The following ME2 variants were observed in gnomAD, a reference collection of about 807,000 sequenced individuals.
The protein encoded by ME2 is NAD-dependent malic enzyme, mitochondrial.
A neutral mutation model predicts 73.7 loss-of-function variants in ME2; 60 were observed. That is an observed-to-expected ratio of 0.81 (90% CI 0.66 to 1.01). The LOEUF (loss-of-function observed/expected upper bound fraction) is 1.01, where lower values mean the gene tolerates loss of function less well. Ranked by LOEUF, ME2 falls within the 50% of genes least tolerant of loss-of-function variation. The probability of loss-of-function intolerance (pLI) is 0.00; values close to 1 mark genes in which losing one functional copy is unlikely to be tolerated. For synonymous variants in ME2, 199 were observed against 236.9 expected (o/e 0.84, Z 1.47); for missense variants, 594 against 705.5 (o/e 0.84, Z 1.79).
chr18:50,941,919 T>C (rs1467547910), intron 15 of ME2, among the ~76,000 whole-genome samples: 2 of 151,810 alleles, frequency 1.3e-5, no homozygotes, highest in African/African-American at 4.8e-5. Context: ...ATTAGTGAGA[T>C]TGAAGAATTA....
intron 12 of ME2, among the ~76,000 whole-genome samples, chr18:50,926,639 A>G (rs1416728644): frequency 1.3e-4 from 20 of 152,108 alleles, no homozygotes; most frequent in Non-Finnish European, 1.5e-5. Context: ...CTCTAATTAT[A>G]TGGTTAGAGA....
At position 50,916,245 on chromosome 18, in the gene ME2, T is replaced by C; in HGVS notation, c.468+2T>C. The C allele has an allele frequency of 6.2e-7, 1 of 1,603,512 alleles. No homozygotes were observed. On this transcript the variant is annotated splice_donor_variant, in intron 5 of 15. Transcript: ENST00000321341. LOFTEE classifies it high-confidence loss of function. ...AACTGGCCAGAAAATCATGTTAAGG[T>C]ACTAATAGCACAACCCTCCTTTTCA...
intron 2 of ME2, among the ~76,000 whole-genome samples, chr18:50,897,660 A>C (rs745388045): frequency 1.3e-5 from 2 of 152,144 alleles, no homozygotes; most frequent in Non-Finnish European, 2.9e-5. Flanking sequence ...TGGGAGTTCG[A>C]GACCAGCCTG....
At chr18:50,895,152 C>T (rs1916707009) in intron 1 of ME2, among the ~76,000 whole-genome samples, 1 of 151,922 alleles carries the variant, frequency 6.6e-6, no homozygotes, top group African/African-American at 2.4e-5. Flanking sequence ...ACTATTATCA[C>T]TAAATATTTT....
chr18:50,913,212 T>C, intron 4 of ME2: 1 of 243,530 alleles, frequency 4.1e-6, no homozygotes, highest in Non-Finnish European at 7.8e-6. Flanking sequence ...TTCTGGAACC[T>C]GCTCCCCCAC....
Position 50,932,241 on chromosome 18 carries a change from T to C in ME2, c.1315-17T>C. 4 of 1,596,400 alleles carry C rather than the reference T, an allele frequency of 2.5e-6. No individual in the cohort carries two copies. Among genetic ancestry groups the C allele is most frequent in the Non-Finnish European group, 2.6e-6 (3 of 1,170,780 alleles). ...ACAGAAAATAACAAAATTGAAGTTA[T>C]TTCATTTTATTAACAGGGCAGGTGT... On this transcript the variant is annotated splice_polypyrimidine_tract_variant and intron_variant, in intron 12 of 15. Transcript: ENST00000321341.
rs775822309 is a variant in ME2, at chr18:50,940,376, T to C, written c.1577T>C (p.Ile526Thr). ...LANIQEVSINIAIKVTEYLYA... is the reference protein window; with the variant it reads ...LANIQEVSINTAIKVTEYLYA... ...AATATTCAGGAAGTTTCTATTAACA[T>C]TGCTATTAAAGTAAGTAATAACTTA... The change falls in exon 15 of 16, where the codon ATT becomes ACT. Residue 526 changes from isoleucine (I) to threonine (T), a missense_variant. By Grantham distance (89) the Ile-to-Thr change is moderately conservative. Coordinates refer to ENST00000321341, the MANE Select transcript of ME2 (RefSeq NM_002396.5). The C allele has an allele frequency of 5.0e-6, 8 of 1,590,696 alleles. No homozygotes were observed. The Admixed American group carries it at 8.7e-5, about 17-fold the overall frequency.
intron 13 of ME2, chr18:50,939,277 TGGG>T: frequency 9.7e-5 from 24 of 247,050 alleles, no homozygotes; most frequent in Admixed American, 2.6e-4. Context: ...AGAGGTGGGC[TGGG>T]AACTGGAGTT....
rs925657348 is a variant in ME2 at position 50,939,604 on chromosome 18, G to T, written c.1452G>T (p.Arg484=). The T allele has an allele frequency of 2.2e-5, 36 of 1,612,220 alleles. No homozygotes were observed. The highest frequency in any genetic ancestry group is 3.3e-5 in the Admixed American group (2 of 59,982). ...VALAVILCNT[R]HISDSVFLEA... is the part of the protein sequence containing the mutation. ...TAGCTGTTATTCTCTGTAACACCCG[G>T]CATATTAGTGACAGTGTTTTCCTAG... Residue 484 remains arginine, a synonymous_variant, in exon 14 of 16, where the codon CGG becomes CGT. Transcript: ENST00000321341.
intron 4 of ME2, among the ~76,000 whole-genome samples, chr18:50,915,061 C>T (rs1205547793): frequency 6.6e-6 from 1 of 152,112 alleles, no homozygotes; most frequent in African/African-American, 2.4e-5. Context: ...TCCTGTGCTT[C>T]TGCCACCCCT....
chr18:50,939,931 G>T, intron 14 of ME2: 1 of 426,112 alleles, frequency 2.3e-6, no homozygotes, highest in Non-Finnish European at 4.2e-6. Flanking sequence ...GTTTTTAATG[G>T]ACAAGTACTG....
intron 3 of ME2, among the ~76,000 whole-genome samples, chr18:50,911,562 A>G (rs1427049030): frequency 1.3e-5 from 2 of 152,160 alleles, no homozygotes; most frequent in East Asian, 3.9e-4. Flanking sequence ...TAAAGCGTGT[A>G]TGTATACATG....
intron 3 of ME2, among the ~76,000 whole-genome samples, chr18:50,910,672 G>T (rs1790296439): frequency 6.6e-6 from 1 of 152,202 alleles, no homozygotes; most frequent in African/African-American, 2.4e-5. Context: ...CTGCTAATGT[G>T]CCTGGCATTG....
chr18:50,913,776 T>C (rs1917217629), intron 4 of ME2, among the ~76,000 whole-genome samples: 1 of 151,748 alleles, frequency 6.6e-6, no homozygotes, highest in South Asian at 2.1e-4. Flanking sequence ...TTTCCTCATG[T>C]GTAAAATGGG....
rs1262815215 is a variant in ME2, at chr18:50,950,071, T to G, written c.*2887T>G. 2.0e-5 allele frequency: 3 copies of G among 152,132 alleles called. No individual in the cohort carries two copies. Among genetic ancestry groups the G allele is most frequent in the Non-Finnish European group, 2.9e-5 (2 of 68,028 alleles). The allele number at this position is 152,132 out of a possible 1,614,324, so 9.4% of individuals were successfully genotyped here. On this transcript the variant is annotated 3_prime_UTR_variant, in exon 16 of 16. Transcript: ENST00000321341. ...TGAGAAGAAATTCTGATGATTAGAG[T>G]GTCAGTAAGTAGTAGGAAAAGGTAA...
intron 2 of ME2, among the ~76,000 whole-genome samples, chr18:50,904,915 C>CT (rs1387518136): frequency 2.0e-5 from 3 of 151,818 alleles, no homozygotes; most frequent in African/African-American, 7.3e-5. Flanking sequence ...TATTCTGCTT[C>CT]TTTCTCTCCT....
At chr18:50,938,728 A>G (rs144432248) in intron 13 of ME2, among the ~76,000 whole-genome samples, 2 of 152,316 alleles carry the variant, frequency 1.3e-5, no homozygotes, top group East Asian at 3.9e-4. Context: ...TTCTAGGATG[A>G]CAGCTCCATA....
intron 1 of ME2, among the ~76,000 whole-genome samples, chr18:50,891,732 T>C (rs1057381963): frequency 1.3e-5 from 2 of 152,042 alleles, no homozygotes; most frequent in Non-Finnish European, 2.9e-5. Context: ...GTGTCTCTAG[T>C]ATCACACAAA....
chr18:50,906,493 A>G (rs1917023075), intron 2 of ME2, among the ~76,000 whole-genome samples: 1 of 152,016 alleles, frequency 6.6e-6, no homozygotes, highest in Non-Finnish European at 1.5e-5. Context: ...TTGTACTTTT[A>G]GTAGAGACAG....
Sources: gnomAD v4.1 joint callset for allele counts (sites outside exome capture counted in the v4.1 genomes callset) on GRCh38, gnomAD v4.1.1 for gene constraint, MANE v1.5 for transcripts, NCBI Gene and HGNC (gene_info 2026-07-23, HGNC 2026-07-21) for gene names.